The following SKOR1 variants were observed in gnomAD, a reference collection of about 807,000 sequenced individuals.
SKOR1 encodes SKI family transcriptional corepressor 1, also known as LBX1 corepressor 1.
SKOR1 carries 38 observed loss-of-function variants against 72.4 expected under a neutral mutation model. The ratio of observed to expected loss-of-function variants is 0.52; its 90% CI spans 0.40 to 0.69. The LOEUF is 0.69. Among genes scored for constraint, SKOR1 ranks in the 30% least tolerant of loss-of-function variants. The pLI, the probability that SKOR1 is intolerant of heterozygous loss-of-function variation, is 0.00. For synonymous variants in SKOR1, 642 were observed against 599.4 expected (o/e 1.07, Z -1.04); for missense variants, 1,320 against 1,343.2 (o/e 0.98, Z 0.27).
chr15:67,827,503 C>A lies in SKOR1; in HGVS notation c.1675C>A (p.Arg559Ser). Residue 559 changes from arginine to serine, a missense_variant, in exon 2 of 9, where the codon CGC becomes AGC. Coordinates refer to ENST00000380035, the MANE Select transcript of SKOR1 (RefSeq NM_001365915.1). The stretch of plus-strand genomic sequence containing the variant: ...GGAGCGCTGCCCGAGCGCTCTGTCC[C>A]GCGGGCCCCTGGACGAAGACGGCAC... ...AEERCPSALSRGPLDEDGTDE... is the reference protein window; with the variant it reads ...AEERCPSALSSGPLDEDGTDE... 6.6e-7 allele frequency: 1 copy of A among 1,523,586 alleles called. No individual in the cohort carries two copies. The highest frequency in any genetic ancestry group is 8.8e-7 in the Non-Finnish European group (1 of 1,142,596). The allele number at this position is 1,523,586 out of a possible 1,614,324, so 94.4% of individuals were successfully genotyped here.
At position 67,826,871 on chromosome 15, in the gene SKOR1, T is replaced by C. The variant is rs1288925029; in HGVS notation, c.1043T>C (p.Leu348Pro). 1 of 1,537,690 alleles carries C rather than the reference T, an allele frequency of 6.5e-7. No homozygotes were observed. Among genetic ancestry groups the C allele is most frequent in the African/African-American group, 1.4e-5 (1 of 72,688 alleles). Residue 348 changes from leucine (L) to proline (P), a missense_variant, in exon 2 of 9, where the codon CTT becomes CCT. Physicochemically the swap from Leu to Pro is moderately conservative, Grantham distance 98. Coordinates refer to ENST00000380035, the MANE Select transcript of SKOR1 (RefSeq NM_001365915.1). ...GPPPPHPQRGLGLATGASGPA... is the reference protein window; with the variant it reads ...GPPPPHPQRGPGLATGASGPA... ...CCTCCACCCCACCCGCAGCGCGGACTTGGCCTGGCGACTGGAGCTAGTGGC... is the reference window on the plus strand; with the variant it reads ...CCTCCACCCCACCCGCAGCGCGGACCTGGCCTGGCGACTGGAGCTAGTGGC...
rs2090998902 is a variant in SKOR1, at chr15:67,830,284, C to A, written c.2501C>A (p.Ala834Glu). 3 of 1,614,028 alleles carry A rather than the reference C, an allele frequency of 1.9e-6. No homozygotes were observed. The Admixed American group carries it at 5.0e-5, about 27-fold the overall frequency. ...AGGAGTATCTCCCAGCCAAGTCCTG[C>A]AAATACAGACAGAGGTGAGCCAGCC... is the stretch of plus-strand genomic sequence containing the variant. ...DQRSISQPSP[A>E]NTDRGEDGLT... Residue 834 changes from alanine to glutamate, a missense_variant, in exon 4 of 9, where the codon GCA becomes GAA. By Grantham distance (107) the Ala-to-Glu change is moderately radical. Transcript: ENST00000380035.
chr15:67,833,750 G>A lies in SKOR1; in HGVS notation c.2812G>A (p.Asp938Asn). ...CGCGACTGTCTCCCCAGAAGCCCAC[G>A]ACGCCCTGCACCATTTCTCCTGCAA... ...AIQQKLKEAH[D>N]ALHHFSCKML... The change falls in exon 9 of 9, where the codon GAC (aspartate) becomes AAC (asparagine). Residue 938 changes from aspartate to asparagine, a missense_variant. This residue lies in a region of SKOR1 where 1,099 missense variants were observed against 1,025.5 expected (regional missense o/e 1.07). Transcript: ENST00000380035. The surrounding 1 kb of genome is among the most constrained non-coding windows in gnomAD (Gnocchi z 6.0). 2 of 1,613,646 alleles carry A rather than the reference G, an allele frequency of 1.2e-6. No individual in the cohort carries two copies. Among genetic ancestry groups the A allele is most frequent in the Non-Finnish European group, 8.5e-7 (1 of 1,180,024 alleles).
intron 4 of SKOR1, 149 bp from the exon 5 acceptor site, chr15:67,830,669 G>A: frequency 1.3e-6 from 1 of 762,690 alleles, no homozygotes; most frequent in Non-Finnish European, 2.3e-6. Flanking sequence ...CCTAGAAGGT[G>A]GATAGTACTG....
intron 3 of SKOR1, 109 bp from the exon 4 acceptor site, chr15:67,830,082 G>A (rs1420747635): frequency 3.6e-6 from 4 of 1,102,340 alleles, no homozygotes; most frequent in Non-Finnish European, 1.3e-6. Context: ...AACCAGAGGC[G>A]GCCACGACGC....
chr15:67,826,145 C>A lies in SKOR1; in HGVS notation c.317C>A (p.Thr106Asn), dbSNP rs2090956882. Residue 106 changes from threonine (T) to asparagine (N), a missense_variant, in exon 2 of 9, where the codon ACC becomes AAC. Transcript: ENST00000380035. ...CTATGCCTGGCGCAGATCTCCAACA[C>A]CCTCCTCAAGAACTACAGCTATAAT... The part of the protein sequence containing the change: ...ERLCLAQISN[T>N]LLKNYSYNEI... 1.1e-5 allele frequency: 18 copies of A among 1,607,910 alleles called. No homozygotes were observed. The highest frequency in any genetic ancestry group is 6.7e-5 in the East Asian group (3 of 44,690).
rs374576580 is a variant in SKOR1, at chr15:67,832,370, C to T, written c.2662+22C>T. ...AAAGGTACCCACTGCCATCCTGCCT[C>T]ACCCCACCTCATCACCGAGCCTTCC... On this transcript the variant is annotated intron_variant, in intron 6 of 8. Transcript: ENST00000380035. The surrounding 1 kb of genome is among the most constrained non-coding windows in gnomAD (Gnocchi z 4.5). 9.9e-6 allele frequency: 16 copies of T among 1,612,278 alleles called. No individual in the cohort carries two copies. In the African/African-American group the frequency reaches 2.0e-4, roughly 20 times the overall value.
rs762142055 is a variant in SKOR1, at chr15:67,826,246, C to A, written c.418C>A (p.Arg140=). ...CTPVQLEILR[R]AGAMPISSRR... ...GCCGGTACAGCTGGAGATTCTGCGT[C>A]GGGCCGGGGCCATGCCCATCTCGTC... is the stretch of plus-strand genomic sequence containing the variant. Residue 140 remains arginine, a synonymous_variant, in exon 2 of 9, where the codon CGG becomes AGG. Coordinates refer to ENST00000380035, the MANE Select transcript of SKOR1 (RefSeq NM_001365915.1). 2.5e-6 allele frequency: 4 copies of A among 1,612,984 alleles called. No individual in the cohort carries two copies. The highest frequency in any genetic ancestry group is 1.7e-5 in the Admixed American group (1 of 60,018).
chr15:67,827,561 T>TGCCCCCGCC lies in SKOR1; in HGVS notation c.1747_1755dup (p.Pro583_Pro585dup), dbSNP rs1331918637. On this transcript the variant is annotated inframe_insertion, in exon 2 of 9. Transcript: ENST00000380035. ...GCGCTGCCACCGCCCCTGGCCCCGT[T>TGCCCCCGCC]GCCCCCGCCGCCCCCGCCGCCCGCA... The TGCCCCCGCC allele has an allele frequency of 9.2e-6, 14 of 1,519,136 alleles. No homozygotes were observed. The highest frequency in any genetic ancestry group is 4.9e-5 in the South Asian group (4 of 82,194). 94.1% of individuals were successfully genotyped at this position (1,519,136 alleles called of 1,614,324 possible). A position where few individuals can be genotyped will look rare whatever the true frequency, so the allele number is the denominator to read the frequency against.
intron 5 of SKOR1, among the ~76,000 whole-genome samples, chr15:67,831,353 C>T (rs1259087833): frequency 6.6e-6 from 1 of 152,198 alleles, no homozygotes; most frequent in African/African-American, 2.4e-5. Flanking sequence ...ATAACCACCT[C>T]CACCTTACCC....
chr15:67,830,377 G>C, intron 4 of SKOR1, 79 bp downstream of exon 4: 1 of 1,212,572 alleles, frequency 8.2e-7, no homozygotes, highest in Non-Finnish European at 1.2e-6. Flanking sequence ...CCAGAGGCTT[G>C]CGAGAAAGGC....
In SKOR1 at chr15:67,826,635, C is replaced by G; in HGVS notation, c.807C>G (p.Ala269=). The G allele has an allele frequency of 1.2e-6, 2 of 1,612,426 alleles. No individual in the cohort carries two copies. Residue 269 remains alanine (A), a synonymous_variant, in exon 2 of 9, where the codon GCC becomes GCG. Coordinates refer to ENST00000380035, the MANE Select transcript of SKOR1 (RefSeq NM_001365915.1). ...GCCATGCTTGGGAGGACGTCAAGGC[C>G]ATGTTTAATGGCGGCACGCGCAAGC... is the stretch of plus-strand genomic sequence containing the variant. ...ELSHAWEDVK[A]MFNGGTRKRT...
Position 67,832,439 on chromosome 15 carries a change from C to T in SKOR1, c.2662+91C>T, listed in dbSNP as rs1597020288. On this transcript the variant is annotated intron_variant, in intron 6 of 8. Transcript: ENST00000380035. This position sits in a 1 kb window ranked among gnomAD's most constrained non-coding sequence, Gnocchi z 4.5. ...ACTCCGAAAGCCGGGTGCCAGGCAACTGGTACTAGGTGCCCTGCAGGAGAC... is the reference window on the plus strand; with the variant it reads ...ACTCCGAAAGCCGGGTGCCAGGCAATTGGTACTAGGTGCCCTGCAGGAGAC... 2.8e-6 allele frequency: 4 copies of T among 1,443,686 alleles called. No homozygotes were observed. The East Asian group carries it at 9.0e-5, about 33-fold the overall frequency. 89.4% of individuals were successfully genotyped at this position (1,443,686 alleles called of 1,614,324 possible).
chr15:67,825,810 A>C lies in SKOR1; in HGVS notation c.107+101A>C. 6.6e-7 allele frequency: 1 copy of C among 1,516,740 alleles called. No individual in the cohort carries two copies. The highest frequency in any genetic ancestry group is 8.9e-7 in the Non-Finnish European group (1 of 1,122,116). The allele number at this position is 1,516,740 out of a possible 1,614,324, so 94.0% of individuals were successfully genotyped here. The stretch of plus-strand genomic sequence containing the variant: ...AAGACGCCTGTCCAGGGGGTGAATG[A>C]GTTTGGACTCCCCACTGCCAAGTAT... On this transcript the variant is annotated intron_variant, in intron 1 of 8. Transcript: ENST00000380035. The surrounding 1 kb of genome is among the most constrained non-coding windows in gnomAD (Gnocchi z 5.6).
Position 67,825,951 on chromosome 15 carries a change from G to A in SKOR1, c.123G>A (p.Glu41=), listed in dbSNP as rs201958154. Residue 41 remains glutamate (E), a synonymous_variant, in exon 2 of 9, where the codon GAG becomes GAA. Coordinates refer to ENST00000380035, the MANE Select transcript of SKOR1 (RefSeq NM_001365915.1). This position sits in a 1 kb window ranked among gnomAD's most constrained non-coding sequence, Gnocchi z 5.6. ...ARAFLRSGGM[E]ALTTQLGPGR... ...TATTTCGCAGGAGCGGCGGCATGGA[G>A]GCTCTCACCACTCAGCTGGGGCCGG... The A allele has an allele frequency of 2.4e-5, 37 of 1,518,176 alleles. No individual in the cohort carries two copies. The East Asian group carries it at 7.9e-4, about 33-fold the overall frequency. The allele number at this position is 1,518,176 out of a possible 1,614,324, so 94.0% of individuals were successfully genotyped here.
chr15:67,826,890 T>C lies in SKOR1; in HGVS notation c.1062T>C (p.Ala354=). The change falls in exon 2 of 9, where the codon GCT becomes GCC. Residue 354 remains alanine (A), a synonymous_variant. Coordinates refer to ENST00000380035, the MANE Select transcript of SKOR1 (RefSeq NM_001365915.1). The stretch of plus-strand genomic sequence containing the variant: ...GCGGACTTGGCCTGGCGACTGGAGC[T>C]AGTGGCCCGGCGGGCCCAGGAGGGC... The part of the protein sequence containing the change: ...PQRGLGLATG[A]SGPAGPGGPG... The C allele has an allele frequency of 1.9e-6, 3 of 1,549,698 alleles. No homozygotes were observed. The highest frequency in any genetic ancestry group is 2.6e-6 in the Non-Finnish European group (3 of 1,153,536).
chr15:67,826,591 T>C lies in SKOR1; in HGVS notation c.763T>C (p.Ser255Pro), dbSNP rs1470650586. 26 of 1,613,824 alleles carry C rather than the reference T, an allele frequency of 1.6e-5. No individual in the cohort carries two copies. Among genetic ancestry groups the C allele is most frequent in the Admixed American group, 3.3e-5 (2 of 59,994 alleles). Residue 255 changes from serine (S) to proline (P), a missense_variant, in exon 2 of 9, where the codon TCG (serine) becomes CCG (proline). Around this residue, in one of 3 missense-constraint regions of SKOR1, gnomAD observed 1,099 missense variants for 1,025.5 expected, o/e 1.07. Transcript: ENST00000380035. ...TCGTCACCTCAAACTCAGTGACAAGTCGGCCACAGACGAACTGAGCCATGC... is the reference window on the plus strand; with the variant it reads ...TCGTCACCTCAAACTCAGTGACAAGCCGGCCACAGACGAACTGAGCCATGC... Reference protein sequence around the residue: ...WRRHLKLSDKSATDELSHAWE... With the variant: ...WRRHLKLSDKPATDELSHAWE...
At chr15:67,829,760 G>A (rs1166693287) in intron 3 of SKOR1, among the ~76,000 whole-genome samples, 1 of 152,256 alleles carries the variant, frequency 6.6e-6, no homozygotes, top group East Asian at 1.9e-4. Flanking sequence ...GGGGTTGGGG[G>A]CAGCGGAAAA....
Position 67,826,820 on chromosome 15 carries a change from A to G in SKOR1, c.992A>G (p.Asp331Gly), listed in dbSNP as rs758105093. ...CACAAAAGCCTGCGCTGTGGCGAAG[A>G]TGAGGCTGCCGGGCCTCCGGGGCCA... ...PPHKSLRCGE[D>G]EAAGPPGPPP... Residue 331 changes from aspartate (D) to glycine (G), a missense_variant, in exon 2 of 9, where the codon GAT (aspartate) becomes GGT (glycine). This residue lies in a region of SKOR1 where 1,099 missense variants were observed against 1,025.5 expected (regional missense o/e 1.07). Transcript: ENST00000380035. 1 of 1,527,118 alleles carries G rather than the reference A, an allele frequency of 6.5e-7. No homozygotes were observed. The highest frequency in any genetic ancestry group is 1.2e-5 in the South Asian group (1 of 83,564). 94.6% of individuals were successfully genotyped at this position (1,527,118 alleles called of 1,614,324 possible). A position where few individuals can be genotyped will look rare whatever the true frequency, so the allele number is the denominator to read the frequency against.
Sources: allele counts gnomAD v4.1 joint callset (sites outside exome capture counted in the v4.1 genomes callset), GRCh38; gene constraint gnomAD v4.1.1; regional missense constraint gnomAD v4.1.1; non-coding constraint Gnocchi (gnomAD v3.1); transcripts MANE v1.5; gene names NCBI Gene and HGNC (gene_info 2026-07-23, HGNC 2026-07-21).